Variants in PCSK6 observed in about 807,000 individuals in gnomAD.
The protein encoded by PCSK6 is proprotein convertase subtilisin/kexin type 6.
Under a neutral mutation model 123.3 loss-of-function variants are expected in PCSK6, and 85 were observed. The observed-to-expected ratio is 0.69, with a 90% CI of 0.58 to 0.83. The LOEUF (loss-of-function observed/expected upper bound fraction) is 0.83. Ranked by LOEUF, PCSK6 falls within the 40% of genes least tolerant of loss-of-function variation. The pLI, the probability that PCSK6 is intolerant of heterozygous loss-of-function variation, is 0.00. For missense variants in PCSK6, 1,191 were observed against 1,282.3 expected (o/e 0.93, Z 1.09); for synonymous variants, 508 against 516.0 (o/e 0.98, Z 0.21).
chr15:101,475,464 T>C (rs563471265), intron 1 of PCSK6, among the ~76,000 whole-genome samples: 5 of 152,300 alleles, frequency 3.3e-5, no homozygotes, highest in African/African-American at 1.2e-4. Flanking sequence ...AAATGCCTAA[T>C]AAATAAAGAG....
At chr15:101,483,795 G>A (rs1314268144) in intron 1 of PCSK6, among the ~76,000 whole-genome samples, 2 of 152,210 alleles carry the variant, frequency 1.3e-5, no homozygotes, top group Non-Finnish European at 2.9e-5. Context: ...ACGCCCATGC[G>A]ACCTGCAGCC....
intron 13 of PCSK6, among the ~76,000 whole-genome samples, chr15:101,355,074 C>G (rs2041001389): frequency 6.6e-6 from 1 of 152,220 alleles, no homozygotes; most frequent in Non-Finnish European, 1.5e-5. Context: ...TGGTGGGAAT[C>G]TGGAAATAAT....
chr15:101,454,899 C>A (rs1422117489), intron 1 of PCSK6, among the ~76,000 whole-genome samples: 1 of 151,824 alleles, frequency 6.6e-6, no homozygotes, highest in African/African-American at 2.4e-5. Flanking sequence ...GAGCCAAGAT[C>A]ACACCACTGC....
intron 11 of PCSK6, among the ~76,000 whole-genome samples, chr15:101,374,122 G>A (rs950912133): frequency 2.0e-5 from 3 of 152,086 alleles, no homozygotes; most frequent in Non-Finnish European, 4.4e-5. Flanking sequence ...CACGTGCCAC[G>A]CAGCCACATT....
chr15:101,360,175 G>A (rs763618906), intron 13 of PCSK6, among the ~76,000 whole-genome samples: 14 of 152,076 alleles, frequency 9.2e-5, no homozygotes, highest in East Asian at 7.7e-4. Flanking sequence ...ATGCTGCCCC[G>A]TCGGAGTCAC....
chr15:101,361,779 A>G (rs2041230304), intron 13 of PCSK6, among the ~76,000 whole-genome samples: 1 of 152,092 alleles, frequency 6.6e-6, no homozygotes, highest in Admixed American at 6.6e-5. Context: ...GAGTGGCTCT[A>G]GCCAGTAGGG....
Position 101,422,691 on chromosome 15 carries a change from A to G in PCSK6, c.823+5201T>C, listed in dbSNP as rs1328989888. Among the ~76,000 whole-genome samples the G allele has an allele frequency of 5.3e-5, 8 of 150,930 alleles. No individual in the cohort carries two copies. The East Asian group carries it at 1.4e-3, about 26-fold the overall frequency. ...GCTGGAGTGCAGTTGGCGCGATCTC[A>G]GCTCACTGCAAGCTCTGCCTCCCGG... On this transcript the variant is annotated intron_variant, in intron 6 of 21. Transcript: ENST00000611716.
intron 5 of PCSK6, among the ~76,000 whole-genome samples, chr15:101,428,772 G>C (rs893660320): frequency 6.6e-6 from 1 of 152,202 alleles, no homozygotes; most frequent in Non-Finnish European, 1.5e-5. Context: ...GCAGCCCTCT[G>C]GAAGAGAGTC....
chr15:101,334,733 G>C (rs1295125419), intron 13 of PCSK6, among the ~76,000 whole-genome samples: 1 of 152,160 alleles, frequency 6.6e-6, no homozygotes, highest in Non-Finnish European at 1.5e-5. Flanking sequence ...AAAAGGCCTG[G>C]TCACCAAAAC....
chr15:101,489,283 G>A (rs1391621833), intron 1 of PCSK6, 91 bp downstream of exon 1: 14 of 845,098 alleles, frequency 1.7e-5, no homozygotes, highest in Non-Finnish European at 2.0e-5. Context: ...GCGGGGCCGG[G>A]GCCGGGCGGA....
At chr15:101,487,302 A>C (rs1195923545) in intron 1 of PCSK6, among the ~76,000 whole-genome samples, 1 of 152,226 alleles carries the variant, frequency 6.6e-6, no homozygotes, top group Non-Finnish European at 1.5e-5. Flanking sequence ...TGCCTGAGTG[A>C]CCGGGCTGCG....
At chr15:101,321,845 T>A (rs960111390) in intron 18 of PCSK6, among the ~76,000 whole-genome samples, 1 of 152,166 alleles carries the variant, frequency 6.6e-6, no homozygotes, top group African/African-American at 2.4e-5. Flanking sequence ...CTAGTCTCCC[T>A]ACTATGGGAG....
At position 101,305,436 on chromosome 15, in the gene PCSK6, G is replaced by A. The variant is rs1378790179; in HGVS notation, c.2813-81C>T. The A allele has an allele frequency of 2.7e-5, 31 of 1,162,254 alleles. No individual in the cohort carries two copies. Among genetic ancestry groups the A allele is most frequent in the South Asian group, 1.4e-4 (11 of 76,814 alleles). The allele number at this position is 1,162,254 out of a possible 1,614,324, so 72.0% of individuals were successfully genotyped here. On this transcript the variant is annotated intron_variant, in intron 21 of 21. Coordinates refer to ENST00000611716, the MANE Select transcript of PCSK6 (RefSeq NM_002570.5). This position sits in a 1 kb window ranked among gnomAD's most constrained non-coding sequence, Gnocchi z 4.8. ...TGAAGATTGTTTCAAGGCCGGGCGCGGTGCCTCATGCCTGTAATCCCAGCA... is the reference window on the plus strand; with the variant it reads ...TGAAGATTGTTTCAAGGCCGGGCGCAGTGCCTCATGCCTGTAATCCCAGCA...
intron 6 of PCSK6, among the ~76,000 whole-genome samples, chr15:101,412,992 A>C (rs2055750621): frequency 7.4e-6 from 1 of 135,368 alleles, no homozygotes. Context: ...TGTCTCTAAT[A>C]ATGGAGGAGG....
intron 1 of PCSK6, among the ~76,000 whole-genome samples, chr15:101,479,773 C>T (rs2057825435): frequency 1.3e-5 from 2 of 151,552 alleles, no homozygotes; most frequent in African/African-American, 4.9e-5. Flanking sequence ...CCCCTCCCTT[C>T]CCCTCCACCA....
rs1438788521 is a variant in PCSK6 at position 101,326,437 on chromosome 15, G to A, written c.2120C>T (p.Pro707Leu). The change falls in exon 16 of 22, where the codon CCC becomes CTC. Residue 707 changes from proline (P) to leucine (L), a missense_variant. Physicochemically the swap from Pro to Leu is moderately conservative, Grantham distance 98. This residue lies in a region of PCSK6 where 630 missense variants were observed against 631.4 expected (regional missense o/e 1.00). Transcript: ENST00000611716. ...GCAGTTCAAGCACTGGTCTGCATTG[G>A]GGCCATCACAGCCTTTGTCACCACA... ...PECGDKGCDG[P>L]NADQCLNCVH... The A allele has an allele frequency of 2.5e-6, 4 of 1,586,478 alleles. No homozygotes were observed. The highest frequency in any genetic ancestry group is 1.2e-5 in the South Asian group (1 of 86,460).
intron 6 of PCSK6, among the ~76,000 whole-genome samples, chr15:101,423,701 T>C (rs895996304): frequency 6.6e-6 from 1 of 151,992 alleles, no homozygotes; most frequent in Non-Finnish European, 1.5e-5. Flanking sequence ...CTGTGAGGCG[T>C]ATTAAGCAAT....
chr15:101,431,310 A>G lies in PCSK6; in HGVS notation c.657+10T>C. 1 of 1,613,766 alleles carries G rather than the reference A, an allele frequency of 6.2e-7. No homozygotes were observed. The highest frequency in any genetic ancestry group is 1.1e-5 in the South Asian group (1 of 91,066). On this transcript the variant is annotated intron_variant, in intron 4 of 21. Transcript: ENST00000611716. The stretch of plus-strand genomic sequence containing the variant: ...ATATATTTGCATGTCAGTTCCGAGG[A>G]TTGACTTACATAATTTGGGGCCAGG...
intron 1 of PCSK6, among the ~76,000 whole-genome samples, chr15:101,457,566 A>G (rs1014028486): frequency 2.0e-5 from 3 of 152,226 alleles, no homozygotes; most frequent in African/African-American, 7.2e-5. Flanking sequence ...CTAGTTGCAA[A>G]GTTAGAGAAA....
Sources: gnomAD v4.1 joint callset for allele counts (sites outside exome capture counted in the v4.1 genomes callset) on GRCh38, gnomAD v4.1.1 for gene constraint, gnomAD v4.1.1 regional missense constraint, Gnocchi (gnomAD v3.1) non-coding constraint, MANE v1.5 for transcripts, NCBI Gene and HGNC (gene_info 2026-07-23, HGNC 2026-07-21) for gene names.